EPB41L4B: variants seen among roughly 807,000 people sequenced by gnomAD.
The protein encoded by EPB41L4B is band 4.1-like protein 4B.
A neutral mutation model predicts 112.5 loss-of-function variants in EPB41L4B; 30 were observed. That is an observed-to-expected ratio of 0.27 (90% CI 0.20 to 0.36). The LOEUF (loss-of-function observed/expected upper bound fraction) is 0.36, where lower values mean the gene tolerates loss of function less well. EPB41L4B is among the 10% of genes least tolerant of loss of function. EPB41L4B has a pLI of 1.00. For missense variants in EPB41L4B, 1,024 were observed against 1,133.3 expected (o/e 0.90, Z 1.38); for synonymous variants, 408 against 439.7 (o/e 0.93, Z 0.90).
intron 15 of EPB41L4B, among the ~76,000 whole-genome samples, chr9:109,234,769 G>GT (rs1456868828): frequency 4.6e-5 from 7 of 152,144 alleles, no homozygotes; most frequent in Non-Finnish European, 1.0e-4. Context: ...GAAGTGAGAG[G>GT]ATCACTTGAG....
chr9:109,176,534 C>G lies in EPB41L4B; in HGVS notation c.2633+17G>C. ...TGTCACCAGAATTACCTGTCGGAACCTGCTGACCTGACCTACCTGGCTGCC... is the reference window on the plus strand; with the variant it reads ...TGTCACCAGAATTACCTGTCGGAACGTGCTGACCTGACCTACCTGGCTGCC... On this transcript the variant is annotated intron_variant, in intron 25 of 25. Transcript: ENST00000374566. 1 of 1,596,942 alleles carries G rather than the reference C, an allele frequency of 6.3e-7. No homozygotes were observed. The highest frequency in any genetic ancestry group is 8.5e-7 in the Non-Finnish European group (1 of 1,171,414).
In EPB41L4B at chr9:109,321,008, AGCC is replaced by A. The variant is rs752403352; in HGVS notation, c.-565_-563del. On this transcript the variant is annotated 5_prime_UTR_variant, in exon 1 of 26. Coordinates refer to ENST00000374566, the MANE Select transcript of EPB41L4B (RefSeq NM_019114.5). ...CTCCCACCTGGGAGGCTGCACCTCC[AGCC>A]GCCGCCGCCGCCGCCGCCGCCGCTG... 618 of 178,802 alleles carry A rather than the reference AGCC, an allele frequency of 3.5e-3. 3 individuals are homozygous for A. The highest frequency in any genetic ancestry group is 0.016 in the South Asian group (128 of 8,128). 11.1% of individuals were successfully genotyped at this position (178,802 alleles called of 1,614,324 possible). A position where few individuals can be genotyped will look rare whatever the true frequency, so the allele number is the denominator to read the frequency against.
intron 2 of EPB41L4B, among the ~76,000 whole-genome samples, chr9:109,275,757 G>A (rs1187334061): frequency 6.6e-6 from 1 of 152,172 alleles, no homozygotes; most frequent in African/African-American, 2.4e-5. Flanking sequence ...AGACTCAAGA[G>A]TAGGGTGTAC....
intron 3 of EPB41L4B, 145 bp from the exon 4 acceptor site, chr9:109,267,696 C>A (rs1045574299): frequency 1.7e-6 from 1 of 588,636 alleles, no homozygotes; most frequent in Non-Finnish European, 3.0e-6. Flanking sequence ...CTAGCCAATT[C>A]TTTTCAGTCC....
chr9:109,256,567 T>C (rs1834992400), intron 7 of EPB41L4B, 87 bp from the exon 8 acceptor site: 2 of 1,152,304 alleles, frequency 1.7e-6, no homozygotes, highest in South Asian at 1.4e-5. Flanking sequence ...TGGAACGTTA[T>C]GCAGCAATTA....
chr9:109,304,388 A>G (rs10979814), intron 1 of EPB41L4B, among the ~76,000 whole-genome samples: 6,599 of 152,218 alleles, frequency 0.043, 364 homozygotes, highest in East Asian at 0.14. Context: ...CTCCAATTAA[A>G]CCAAGAGCTT....
At chr9:109,316,061 TC>T (rs1837622823) in intron 1 of EPB41L4B, among the ~76,000 whole-genome samples, 1 of 152,144 alleles carries the variant, frequency 6.6e-6, no homozygotes, top group Non-Finnish European at 1.5e-5. Context: ...CATGAGGCCT[TC>T]CCGTCACCAA....
intron 1 of EPB41L4B, among the ~76,000 whole-genome samples, chr9:109,294,382 C>T (rs142870778): frequency 0.017 from 2,540 of 151,778 alleles, 69 homozygotes; most frequent in African/African-American, 0.057. Flanking sequence ...TTTGGGAGGC[C>T]GAGGTAGGTG....
At chr9:109,290,767 C>T (rs1331375435) in intron 1 of EPB41L4B, among the ~76,000 whole-genome samples, 3 of 151,176 alleles carry the variant, frequency 2.0e-5, no homozygotes, top group Admixed American at 2.0e-4. Flanking sequence ...CACACACACA[C>T]ACACACACAC....
chr9:109,290,785 CCCCA>C (rs1223539613), intron 1 of EPB41L4B, among the ~76,000 whole-genome samples: 5 of 148,804 alleles, frequency 3.4e-5, no homozygotes, highest in South Asian at 2.1e-4. Flanking sequence ...CACACACACC[CCCCA>C]CCAAGTGGCC....
chr9:109,229,545 G>A (rs756570645), intron 15 of EPB41L4B, among the ~76,000 whole-genome samples: 7 of 152,172 alleles, frequency 4.6e-5, no homozygotes, highest in Non-Finnish European at 7.3e-5. Context: ...GGTTCCTGGC[G>A]GCGGGATCAG....
At chr9:109,194,148 T>A (rs1832560426) in intron 21 of EPB41L4B, 72 bp downstream of exon 21, 1 of 1,511,792 alleles carries the variant, frequency 6.6e-7, no homozygotes, top group Non-Finnish European at 9.0e-7. Context: ...ATGCACCAGA[T>A]GCTACTCAGT....
chr9:109,274,199 TC>T (rs1462596038), intron 2 of EPB41L4B, among the ~76,000 whole-genome samples: 1 of 152,100 alleles, frequency 6.6e-6, no homozygotes, highest in African/African-American at 2.4e-5. Context: ...CAGAAAAAGC[TC>T]CCTTTTCATG....
At chr9:109,268,896 CAA>C (rs55646924) in intron 2 of EPB41L4B, among the ~76,000 whole-genome samples, 7 of 106,722 alleles carry the variant, frequency 6.6e-5, no homozygotes, top group African/African-American at 1.5e-4. Flanking sequence ...AACTCCGTCT[CAA>C]AAAAAAAAAA....
At chr9:109,230,891 C>G (rs1052840077) in intron 15 of EPB41L4B, among the ~76,000 whole-genome samples, 1 of 152,148 alleles carries the variant, frequency 6.6e-6, no homozygotes, top group Non-Finnish European at 1.5e-5. Context: ...CAAGTGGTGG[C>G]TCACGCCTGT....
At position 109,200,269 on chromosome 9, in the gene EPB41L4B, G is replaced by C; in HGVS notation, c.2012C>G (p.Pro671Arg). ...PAVEKPEIKP[P>R]RVRKLTRQYS... is the part of the protein sequence containing the mutation. ...CTGTCTTGTTAACTTCCTCACTCGG[G>C]GAGGCTTGATTTCCGGCTTTTCCAC... The change falls in exon 20 of 26, where the codon CCC (proline) becomes CGC (arginine). Residue 671 changes from proline (P) to arginine (R), a missense_variant. Physicochemically the swap from Pro to Arg is moderately radical, Grantham distance 103. Coordinates refer to ENST00000374566, the MANE Select transcript of EPB41L4B (RefSeq NM_019114.5). The C allele has an allele frequency of 6.2e-7, 1 of 1,614,068 alleles. No individual in the cohort carries two copies. The highest frequency in any genetic ancestry group is 2.2e-5 in the East Asian group (1 of 44,878).
chr9:109,201,816 G>C (rs1000526412), intron 19 of EPB41L4B, among the ~76,000 whole-genome samples: 4 of 152,026 alleles, frequency 2.6e-5, no homozygotes, highest in Non-Finnish European at 4.4e-5. Flanking sequence ...GGGTCATATG[G>C]GGCCTCAGGC....
chr9:109,202,199 G>A (rs1458721151), intron 19 of EPB41L4B, among the ~76,000 whole-genome samples: 1 of 152,158 alleles, frequency 6.6e-6, no homozygotes, highest in Admixed American at 6.5e-5. Flanking sequence ...AGGTTAGTGG[G>A]GTGGAGTGGG....
chr9:109,197,931 A>T lies in EPB41L4B; in HGVS notation c.2045+2305T>A, dbSNP rs1366389579. Among the ~76,000 whole-genome samples, 12 of 152,306 alleles carry T rather than the reference A, an allele frequency of 7.9e-5. No individual in the cohort carries two copies. The East Asian group carries it at 2.3e-3, about 29-fold the overall frequency. ...GTTTCAAACATGATTACATCTCTCA[A>T]ATGAGTGATAGTAACATTTTGAGTT... On this transcript the variant is annotated intron_variant, in intron 20 of 25. Transcript: ENST00000374566.
Sources: gnomAD v4.1 joint callset for allele counts (sites outside exome capture counted in the v4.1 genomes callset) on GRCh38, gnomAD v4.1.1 for gene constraint, MANE v1.5 for transcripts, NCBI Gene and HGNC (gene_info 2026-07-23, HGNC 2026-07-21) for gene names.